Variants in SNX29 observed in about 807,000 individuals in gnomAD.
The protein encoded by SNX29 is sorting nexin 29.
A neutral mutation model predicts 102.1 loss-of-function variants in SNX29; 78 were observed. The ratio of observed to expected loss-of-function variants is 0.76; its 90% CI spans 0.64 to 0.92. The LOEUF is 0.92. Ranked by LOEUF, SNX29 falls within the 40% of genes least tolerant of loss-of-function variation. The pLI is 0.00. For missense variants in SNX29, 1,280 were observed against 1,061.7 expected (o/e 1.21, Z -2.86); for synonymous variants, 580 against 414.5 (o/e 1.40, Z -4.85).
At chr16:12,480,093 CTTAG>C (rs2087835842) in intron 19 of SNX29, among the ~76,000 whole-genome samples, 1 of 152,184 alleles carries the variant, frequency 6.6e-6, no homozygotes, top group South Asian at 2.1e-4. Context: ...AGCTTAAAGT[CTTAG>C]TTAGAACCTG....
intron 13 of SNX29, among the ~76,000 whole-genome samples, chr16:12,133,920 CA>C (rs1463596766): frequency 6.6e-6 from 1 of 152,296 alleles, no homozygotes. Flanking sequence ...CATCACTGAG[CA>C]AACCCAGCAT....
intron 1 of SNX29, among the ~76,000 whole-genome samples, chr16:11,997,721 T>G (rs2056136401): frequency 2.6e-5 from 4 of 152,110 alleles, no homozygotes; most frequent in African/African-American, 9.7e-5. Context: ...TCAAGCAATC[T>G]TCCTGCCTCA....
intron 8 of SNX29, among the ~76,000 whole-genome samples, chr16:12,054,767 T>G (rs1240489932): frequency 1.3e-5 from 2 of 152,176 alleles, no homozygotes; most frequent in African/African-American, 4.8e-5. Context: ...TCTCTCTCTC[T>G]TCAGGCACAC....
intron 20 of SNX29, among the ~76,000 whole-genome samples, chr16:12,534,429 C>G (rs8057488): frequency 1.3e-5 from 2 of 152,072 alleles, no homozygotes; most frequent in South Asian, 2.1e-4. Flanking sequence ...CGGCTGCACT[C>G]GGTTGCCTGT....
At chr16:12,118,084 G>A (rs1284278056) in intron 11 of SNX29, among the ~76,000 whole-genome samples, 4 of 151,968 alleles carry the variant, frequency 2.6e-5, no homozygotes, top group Non-Finnish European at 4.4e-5. Context: ...GCGACAGAGC[G>A]AGACTCTGTC....
Position 12,010,920 on chromosome 16 carries a change from CT to C in SNX29, c.122+7885del, listed in dbSNP as rs550891613. Among the ~76,000 whole-genome samples, 105 of 151,830 alleles carry C rather than the reference CT, an allele frequency of 6.9e-4. 1 individual carries two copies. Among genetic ancestry groups the C allele is most frequent in the Middle Eastern group, 6.8e-3 (2 of 294 alleles). On this transcript the variant is annotated intron_variant, in intron 3 of 20. Transcript: ENST00000566228. ...TACGAAACGGAATGGCTTTTTCAGG[CT>C]TTTTTTTCTCTTTTAAATATCTCTG...
At chr16:12,133,858 CT>C (rs1243094157) in intron 13 of SNX29, among the ~76,000 whole-genome samples, 23 of 152,292 alleles carry the variant, frequency 1.5e-4, no homozygotes, top group African/African-American at 5.5e-4. Flanking sequence ...TAAGTATGCG[CT>C]TGTGTATATG....
intron 10 of SNX29, 24 bp downstream of exon 10, chr16:12,069,156 C>T: frequency 6.3e-7 from 1 of 1,590,960 alleles, no homozygotes; most frequent in Non-Finnish European, 8.6e-7. Context: ...AACCCAGTTG[C>T]CTGTGGCATT....
At chr16:12,164,848 C>T (rs1176833265) in intron 13 of SNX29, among the ~76,000 whole-genome samples, 1 of 151,948 alleles carries the variant, frequency 6.6e-6, no homozygotes, top group Non-Finnish European at 1.5e-5. Flanking sequence ...CCACCATGCC[C>T]AGCTAATTTT....
At chr16:12,129,782 A>T (rs1461181673) in intron 13 of SNX29, 24 bp downstream of exon 13, 1 of 1,584,520 alleles carries the variant, frequency 6.3e-7, no homozygotes, top group Non-Finnish European at 8.6e-7. Flanking sequence ...AGGGATGGAG[A>T]GGTAAGCACG....
intron 18 of SNX29, among the ~76,000 whole-genome samples, chr16:12,474,188 A>G (rs919395520): frequency 1.2e-4 from 18 of 152,134 alleles, no homozygotes; most frequent in African/African-American, 4.3e-4. Context: ...CTCTGAGCCC[A>G]TTACTTCAGC....
chr16:12,003,193 C>G (rs540129578), intron 3 of SNX29, 150 bp downstream of exon 3: 1 of 916,856 alleles, frequency 1.1e-6, no homozygotes, highest in Non-Finnish European at 1.8e-6. Context: ...AGAGGTGCAG[C>G]GCTGAAATTT....
At chr16:12,464,839 T>TA (rs34207992) in intron 18 of SNX29, among the ~76,000 whole-genome samples, 11,204 of 152,256 alleles carry the variant, frequency 0.074, 674 homozygotes, top group East Asian at 0.29. Context: ...GGTGCCTTCA[T>TA]ACTATTTTCT....
At chr16:12,420,826 C>T (rs112840962) in intron 18 of SNX29, among the ~76,000 whole-genome samples, 3,423 of 152,246 alleles carry the variant, frequency 0.022, 139 homozygotes, top group African/African-American at 0.079. Context: ...CTGATAGTCT[C>T]GCCCACAAGG....
intron 11 of SNX29, among the ~76,000 whole-genome samples, chr16:12,086,090 G>A (rs983779741): frequency 3.5e-5 from 5 of 144,372 alleles, no homozygotes; most frequent in Non-Finnish European, 6.0e-5. Flanking sequence ...TGCAAGCTCC[G>A]CCTCCCGGGC....
Position 12,318,977 on chromosome 16 carries a change from T to C in SNX29, c.1783-37186T>C, listed in dbSNP as rs140906407. ...TACCCTTATCTTGTCTCCTGCTAAA[T>C]CATGGAGGTTTGGGGAGTCCCTTCA... On this transcript the variant is annotated intron_variant, in intron 15 of 20. Transcript: ENST00000566228. Among the ~76,000 whole-genome samples, 26 of 152,230 alleles carry C rather than the reference T, an allele frequency of 1.7e-4. 1 individual carries two copies. The East Asian group carries it at 5.0e-3, about 29-fold the overall frequency.
intron 12 of SNX29, among the ~76,000 whole-genome samples, chr16:12,127,380 G>A (rs2054260961): frequency 6.6e-6 from 1 of 151,464 alleles, no homozygotes; most frequent in Non-Finnish European, 1.5e-5. Context: ...ACCCCCGAAA[G>A]AAGTCCTATA....
chr16:12,153,330 G>A (rs1169984330), intron 13 of SNX29, among the ~76,000 whole-genome samples: 5 of 151,874 alleles, frequency 3.3e-5, no homozygotes, highest in East Asian at 3.9e-4. Context: ...CCAAAATATC[G>A]TCTAATTCAG....
chr16:12,364,766 C>T (rs1012011958), intron 16 of SNX29, among the ~76,000 whole-genome samples: 5 of 152,092 alleles, frequency 3.3e-5, no homozygotes, highest in African/African-American at 9.7e-5. Flanking sequence ...TTCTCTGTCC[C>T]GTTTCTGATC....
Sources: gnomAD v4.1 joint callset for allele counts (sites outside exome capture counted in the v4.1 genomes callset) on GRCh38, gnomAD v4.1.1 for gene constraint, MANE v1.5 for transcripts, NCBI Gene and HGNC (gene_info 2026-07-23, HGNC 2026-07-21) for gene names.